The following ZNF547 variants were observed in gnomAD, a reference collection of about 807,000 sequenced individuals.
ZNF547 encodes the protein zinc finger protein 547.
Under a neutral mutation model 7.7 loss-of-function variants are expected in ZNF547, and 4 were observed. That is an observed-to-expected ratio of 0.52 (90% CI 0.26 to 1.20). The LOEUF (loss-of-function observed/expected upper bound fraction) is 1.20, where lower values mean the gene tolerates loss of function less well. Ranked by LOEUF, ZNF547 falls within the 50% of genes most tolerant of loss-of-function variation. The pLI, the probability that ZNF547 is intolerant of heterozygous loss-of-function variation, is 0.14. For missense variants in ZNF547, 449 were observed against 485.8 expected, an observed-to-expected ratio of 0.92 and a Z score of 0.71; for synonymous variants, 166 against 166.2, an observed-to-expected ratio of 1.00 and a Z score of 0.01.
chr19:57,368,512 G>A, intron 1 of ZNF547, 32 bp from the exon 2 acceptor site: 1 of 1,611,796 alleles, frequency 6.2e-7, no homozygotes, highest in Non-Finnish European at 8.5e-7. Context: ...TCCCATCGTT[G>A]CCCATTTCTC....
intron 2 of ZNF547, 172 bp from the exon 3 acceptor site, chr19:57,371,610 T>G: frequency 2.0e-6 from 2 of 1,002,444 alleles, no homozygotes; most frequent in Non-Finnish European, 2.9e-6. Context: ...AAGTTAGAGA[T>G]GGAGATGGTT....
chr19:57,375,751 G>T (rs1431101117), intron 3 of ZNF547, among the ~76,000 whole-genome samples: 3 of 151,636 alleles, frequency 2.0e-5, no homozygotes, highest in African/African-American at 4.8e-5. Context: ...GTTCCGCATG[G>T]TTGGGAGGTC....
intron 3 of ZNF547, among the ~76,000 whole-genome samples, chr19:57,375,205 C>G (rs1308450704): frequency 1.3e-5 from 2 of 151,928 alleles, no homozygotes; most frequent in African/African-American, 4.8e-5. Flanking sequence ...CAAAAATTAG[C>G]CGGGTATGGT....
chr19:57,377,090 A>C (rs1019297076), intron 3 of ZNF547, 38 bp from the exon 4 acceptor site: 3 of 1,578,088 alleles, frequency 1.9e-6, no homozygotes, highest in Non-Finnish European at 2.6e-6. Context: ...CGCTCATCAC[A>C]GTCAACATGC....
At position 57,377,764 on chromosome 19, in the gene ZNF547, C is replaced by G. The variant is rs1430013504; in HGVS notation, c.788C>G (p.Thr263Ser). 2 of 1,614,022 alleles carry G rather than the reference C, an allele frequency of 1.2e-6. No individual in the cohort carries two copies. The part of the protein sequence containing the change: ...STLITHQRVH[T>S]GKRPYGCSEC... ...CTCATTACACATCAGAGGGTTCACA[C>G]TGGAAAGAGGCCTTATGGTTGCAGT... Residue 263 changes from threonine (T) to serine (S), a missense_variant, in exon 4 of 4, where the codon ACT (threonine) becomes AGT (serine). Physicochemically the swap from Thr to Ser is moderately conservative, Grantham distance 58. Transcript: ENST00000282282.
chr19:57,368,659 G>A, intron 2 of ZNF547, 80 bp downstream of exon 2: 1 of 1,355,090 alleles, frequency 7.4e-7, no homozygotes, highest in Non-Finnish European at 1.1e-6. Flanking sequence ...GAAAAGTGGT[G>A]TCCAGAGACT....
intron 1 of ZNF547, among the ~76,000 whole-genome samples, chr19:57,365,509 C>CT (rs770884068): frequency 0.016 from 2,288 of 139,738 alleles, 25 homozygotes; most frequent in Middle Eastern, 0.035. Context: ...TAATTTCTTT[C>CT]TTTTTTTTTT....
rs184018886 is a variant in ZNF547 at position 57,374,274 on chromosome 19, G to C, written c.151+2366G>C. On this transcript the variant is annotated intron_variant, in intron 3 of 3. Transcript: ENST00000282282. ...ACCTTGCCCCTTTTAGCCATGGCTG[G>C]AGTTGAAGCAGCTGGGATGCAGGGC... Among the ~76,000 whole-genome samples the C allele has an allele frequency of 5.9e-4, 90 of 152,386 alleles. 1 individual carries two copies. In the East Asian group the frequency reaches 0.014, roughly 24 times the overall value.
chr19:57,370,143 A>G (rs1048316119), intron 2 of ZNF547, among the ~76,000 whole-genome samples: 5 of 151,990 alleles, frequency 3.3e-5, no homozygotes, highest in African/African-American at 1.2e-4. Context: ...CATCCTCCTC[A>G]GCCTCCCAAA....
chr19:57,367,773 AT>A (rs1367860382), intron 1 of ZNF547, among the ~76,000 whole-genome samples: 7 of 152,318 alleles, frequency 4.6e-5, no homozygotes, highest in African/African-American at 1.7e-4. Context: ...GAAAAAAGTT[AT>A]CCAGGCTAGT....
chr19:57,371,551 C>A, intron 2 of ZNF547: 1 of 574,082 alleles, frequency 1.7e-6, no homozygotes. Context: ...TGTGCAGTAC[C>A]TGTCCCTGGG....
chr19:57,368,261 T>C (rs1052841117), intron 1 of ZNF547: 11 of 377,562 alleles, frequency 2.9e-5, no homozygotes, highest in South Asian at 6.1e-5. Flanking sequence ...ATAGCTGATA[T>C]ATATGATGAG....
At chr19:57,374,500 G>A (rs377164642) in intron 3 of ZNF547, among the ~76,000 whole-genome samples, 3 of 152,264 alleles carry the variant, frequency 2.0e-5, no homozygotes, top group African/African-American at 7.2e-5. Context: ...CATCACCTTC[G>A]TGGTTAACAT....
Position 57,378,932 on chromosome 19 carries a change from A to C in ZNF547, c.*747A>C, listed in dbSNP as rs1412826890. 1 of 180,740 alleles carries C rather than the reference A, an allele frequency of 5.5e-6. No individual in the cohort carries two copies. Among genetic ancestry groups the C allele is most frequent in the Admixed American group, 6.3e-5 (1 of 15,858 alleles). The allele number at this position is 180,740 out of a possible 1,614,324, so 11.2% of individuals were successfully genotyped here. ...ACTATTCTTGGTACTTCTCAGAAGAAGAATCTTAGAGTGTTTTTCATTATT... is the reference window on the plus strand; with the variant it reads ...ACTATTCTTGGTACTTCTCAGAAGACGAATCTTAGAGTGTTTTTCATTATT... On this transcript the variant is annotated 3_prime_UTR_variant, in exon 4 of 4. Coordinates refer to ENST00000282282, the MANE Select transcript of ZNF547 (RefSeq NM_173631.4).
At chr19:57,367,416 G>A (rs1428764250) in intron 1 of ZNF547, among the ~76,000 whole-genome samples, 1 of 143,092 alleles carries the variant, frequency 7.0e-6, no homozygotes, top group African/African-American at 2.6e-5. Context: ...TTCTTAAATG[G>A]TTTGTTCAAG....
intron 3 of ZNF547, 89 bp downstream of exon 3, chr19:57,371,997 C>G (rs574813197): frequency 6.7e-4 from 988 of 1,471,944 alleles, no homozygotes; most frequent in Non-Finnish European, 8.4e-4. Context: ...CACAGTGAGA[C>G]CATGGGTGCT....
At chr19:57,370,690 C>T (rs1209193639) in intron 2 of ZNF547, among the ~76,000 whole-genome samples, 2 of 152,198 alleles carry the variant, frequency 1.3e-5, no homozygotes, top group African/African-American at 4.8e-5. Flanking sequence ...CTGGGTGACT[C>T]CATGGAAACT....
At chr19:57,365,660 C>T (rs2088462975) in intron 1 of ZNF547, among the ~76,000 whole-genome samples, 1 of 151,712 alleles carries the variant, frequency 6.6e-6, no homozygotes, top group South Asian at 2.1e-4. Context: ...CTCCCACCAC[C>T]ATGCCTGCCT....
intron 1 of ZNF547, among the ~76,000 whole-genome samples, chr19:57,366,728 T>A (rs1033263239): frequency 6.6e-6 from 1 of 152,110 alleles, no homozygotes; most frequent in Non-Finnish European, 1.5e-5. Context: ...GTTGATCTTA[T>A]AACAATCCAG....
Sources: gnomAD v4.1 joint callset for allele counts (sites outside exome capture counted in the v4.1 genomes callset) on GRCh38, gnomAD v4.1.1 for gene constraint, MANE v1.5 for transcripts, NCBI Gene and HGNC (gene_info 2026-07-23, HGNC 2026-07-21) for gene names.